Variants in PRKAR2A observed in about 807,000 individuals in gnomAD.
PRKAR2A encodes the protein cAMP-dependent protein kinase type II-alpha regulatory subunit.
Under a neutral mutation model 51.9 loss-of-function variants are expected in PRKAR2A, and 29 were observed. The observed-to-expected ratio is 0.56, with a 90% CI of 0.42 to 0.76. The LOEUF (loss-of-function observed/expected upper bound fraction) is 0.76. Among genes scored for constraint, PRKAR2A ranks in the 30% least tolerant of loss-of-function variants. The pLI is 0.00. For missense variants in PRKAR2A, 445 were observed against 512.1 expected (o/e 0.87, Z 1.26); for synonymous variants, 178 against 186.2 (o/e 0.96, Z 0.36).
intron 1 of PRKAR2A, among the ~76,000 whole-genome samples, chr3:48,815,962 T>C (rs1303574355): frequency 2.2e-5 from 3 of 139,208 alleles, no homozygotes; most frequent in African/African-American, 8.1e-5. Flanking sequence ...GTGGTTGCAG[T>C]GAGCCAAGAT....
chr3:48,821,236 G>A (rs1227614477), intron 1 of PRKAR2A, among the ~76,000 whole-genome samples: 1 of 152,062 alleles, frequency 6.6e-6, no homozygotes, highest in African/African-American at 2.4e-5. Context: ...CTTACCCAGG[G>A]GCAGAAACTT....
At chr3:48,824,542 TAAGAAAGAAAGAAAGA>T (rs200913812) in intron 1 of PRKAR2A, among the ~76,000 whole-genome samples, 13,098 of 123,908 alleles carry the variant, frequency 0.11, 885 homozygotes, top group East Asian at 0.29. Context: ...TCCAAAATCA[TAAGAAAGAAAGAAAGA>T]AAGAAAGAAA....
chr3:48,755,617 T>C (rs1163754145), intron 9 of PRKAR2A, among the ~76,000 whole-genome samples: 1 of 151,476 alleles, frequency 6.6e-6, no homozygotes, highest in Non-Finnish European at 1.5e-5. Flanking sequence ...TCCTTTTTTT[T>C]TTTTTTTAAA....
chr3:48,831,904 C>T (rs536533931), intron 1 of PRKAR2A, among the ~76,000 whole-genome samples: 5 of 152,102 alleles, frequency 3.3e-5, no homozygotes, highest in Admixed American at 1.3e-4. Flanking sequence ...GGGTGTGAGC[C>T]ACCACAACTG....
In PRKAR2A at chr3:48,791,891, G is replaced by A. The variant is rs1355608020; in HGVS notation, c.352-1264C>T. Among the ~76,000 whole-genome samples the A allele has an allele frequency of 5.2e-4, 37 of 71,526 alleles. 1 individual carries two copies. The East Asian group carries it at 0.011, about 21-fold the overall frequency. The allele number at this position is 71,526 out of a possible 152,430, so 46.9% of individuals were successfully genotyped here. ...GCACTCCGGCCTGGGCAACAAGAGC[G>A]AAACTCTGTCTCAAAAAAAAAAAAA... On this transcript the variant is annotated intron_variant, in intron 3 of 10. Coordinates refer to ENST00000265563, the MANE Select transcript of PRKAR2A (RefSeq NM_004157.4).
At chr3:48,794,762 T>C (rs1194230431) in intron 2 of PRKAR2A, among the ~76,000 whole-genome samples, 1 of 152,014 alleles carries the variant, frequency 6.6e-6, no homozygotes, top group Non-Finnish European at 1.5e-5. Flanking sequence ...AAGAAGAGTA[T>C]ATATGGCATG....
chr3:48,759,474 C>T (rs960462597), intron 8 of PRKAR2A, among the ~76,000 whole-genome samples: 23 of 151,458 alleles, frequency 1.5e-4, no homozygotes, highest in African/African-American at 5.1e-4. Flanking sequence ...ACAACTTCTA[C>T]CTCCTGGGTT....
chr3:48,761,724 T>G (rs2081865566), intron 8 of PRKAR2A, among the ~76,000 whole-genome samples: 1 of 152,232 alleles, frequency 6.6e-6, no homozygotes, highest in Admixed American at 6.5e-5. Context: ...ACGATTCTCG[T>G]GCTTCAACCT....
intron 6 of PRKAR2A, 142 bp downstream of exon 6, chr3:48,772,813 T>G: frequency 1.2e-6 from 1 of 855,666 alleles, no homozygotes; most frequent in Non-Finnish European, 1.6e-6. Flanking sequence ...GCTATTTTTT[T>G]TGTATTTTTT....
At chr3:48,836,584 C>T (rs761999424) in intron 1 of PRKAR2A, among the ~76,000 whole-genome samples, 6 of 150,790 alleles carry the variant, frequency 4.0e-5, no homozygotes, top group Admixed American at 3.3e-4. Flanking sequence ...GATTTGGCAA[C>T]GGTTTCTTAA....
At chr3:48,766,436 C>T (rs1027508604) in intron 6 of PRKAR2A, among the ~76,000 whole-genome samples, 5 of 151,712 alleles carry the variant, frequency 3.3e-5, no homozygotes, top group African/African-American at 9.7e-5. Flanking sequence ...GGCATGGTGG[C>T]GTTTGTCTAG....
intron 9 of PRKAR2A, among the ~76,000 whole-genome samples, chr3:48,753,690 T>G (rs1224325647): frequency 6.6e-6 from 1 of 152,204 alleles, no homozygotes; most frequent in Non-Finnish European, 1.5e-5. Flanking sequence ...ATGCACATTC[T>G]GATTCAGTAA....
rs1278790038 is a variant in PRKAR2A at position 48,747,132 on chromosome 3, T to C, written c.*4453A>G. ...TATGGGAAGGCTGCTTCCCATAAAA[T>C]AGACAATAGAATCATTGAGGAACGT... On this transcript the variant is annotated 3_prime_UTR_variant, in exon 11 of 11. Coordinates refer to ENST00000265563, the MANE Select transcript of PRKAR2A (RefSeq NM_004157.4). 7.2e-6 allele frequency: 1 copy of C among 139,626 alleles called. No individual in the cohort carries two copies. The highest frequency in any genetic ancestry group is 2.7e-5 in the African/African-American group (1 of 37,228). 8.6% of individuals were successfully genotyped at this position (139,626 alleles called of 1,614,324 possible). A position where few individuals can be genotyped will look rare whatever the true frequency, so the allele number is the denominator to read the frequency against.
chr3:48,764,632 T>C (rs2081910653), intron 8 of PRKAR2A, among the ~76,000 whole-genome samples: 1 of 152,036 alleles, frequency 6.6e-6, no homozygotes, highest in Admixed American at 6.6e-5. Context: ...GAAGGTTTTT[T>C]GGTTTTTTTT....
At chr3:48,762,401 C>T (rs1237363050) in intron 8 of PRKAR2A, among the ~76,000 whole-genome samples, 1 of 152,126 alleles carries the variant, frequency 6.6e-6, no homozygotes, top group Non-Finnish European at 1.5e-5. Flanking sequence ...TTAGCAATTG[C>T]ACTCTTAAGT....
intron 1 of PRKAR2A, among the ~76,000 whole-genome samples, chr3:48,813,336 G>C (rs539280574): frequency 1.3e-5 from 2 of 151,936 alleles, no homozygotes; most frequent in African/African-American, 2.4e-5. Flanking sequence ...CCAGGAGTTC[G>C]AGGTTTCAGT....
At chr3:48,796,622 G>A (rs2082495368) in intron 2 of PRKAR2A, among the ~76,000 whole-genome samples, 1 of 151,218 alleles carries the variant, frequency 6.6e-6, no homozygotes, top group Non-Finnish European at 1.5e-5. Flanking sequence ...AGCCTCCCAG[G>A]TAGCTGGGAT....
At chr3:48,832,616 C>T (rs2083207969) in intron 1 of PRKAR2A, among the ~76,000 whole-genome samples, 1 of 152,074 alleles carries the variant, frequency 6.6e-6, no homozygotes, top group Non-Finnish European at 1.5e-5. Context: ...ACAGCTGTCC[C>T]AACACCTGTA....
At chr3:48,784,264 A>C (rs556204346) in intron 4 of PRKAR2A, among the ~76,000 whole-genome samples, 45 of 152,258 alleles carry the variant, frequency 3.0e-4, no homozygotes, top group African/African-American at 1.1e-3. Context: ...TAGACTGAAG[A>C]CCTGAAAAGA....
Sources: gnomAD v4.1 joint callset for allele counts (sites outside exome capture counted in the v4.1 genomes callset) on GRCh38, gnomAD v4.1.1 for gene constraint, MANE v1.5 for transcripts, NCBI Gene and HGNC (gene_info 2026-07-23, HGNC 2026-07-21) for gene names.